The following CNTNAP4 variants were observed in gnomAD, a reference collection of about 807,000 sequenced individuals.
The protein encoded by CNTNAP4 is contactin associated protein family member 4.
A neutral mutation model predicts 148.4 loss-of-function variants in CNTNAP4; 98 were observed. The ratio of observed to expected loss-of-function variants is 0.66; its 90% CI spans 0.56 to 0.78. CNTNAP4 has a LOEUF of 0.78. CNTNAP4 is among the 30% of genes least tolerant of loss of function. CNTNAP4 has a pLI of 0.00. For missense variants in CNTNAP4, 1,935 were observed against 1,565.6 expected (o/e 1.24, Z -3.98); for synonymous variants, 730 against 565.1 (o/e 1.29, Z -4.14).
At chr16:76,312,005 T>A (rs1003878297) in intron 1 of CNTNAP4, among the ~76,000 whole-genome samples, 1 of 152,228 alleles carries the variant, frequency 6.6e-6, no homozygotes, top group Admixed American at 6.5e-5. Flanking sequence ...CAGTGAATAA[T>A]CTTTATTTGC....
At chr16:76,488,305 T>G (rs374841263) in intron 12 of CNTNAP4, among the ~76,000 whole-genome samples, 5 of 152,202 alleles carry the variant, frequency 3.3e-5, no homozygotes, top group Admixed American at 2.0e-4. Context: ...CGTAATTTCA[T>G]TGGCTGGTAG....
intron 2 of CNTNAP4, among the ~76,000 whole-genome samples, chr16:76,347,645 G>C (rs1347622390): frequency 6.6e-6 from 1 of 152,120 alleles, no homozygotes; most frequent in South Asian, 2.1e-4. Flanking sequence ...TCGAGCAAGA[G>C]ACTTATAGGC....
intron 17 of CNTNAP4, among the ~76,000 whole-genome samples, chr16:76,530,346 GCACTTCTCC>G (rs2144195698): frequency 6.6e-6 from 1 of 152,046 alleles, no homozygotes; most frequent in South Asian, 2.1e-4. Context: ...TCTTAATTAC[GCACTTCTCC>G]CATCCTTGAG....
At chr16:76,496,503 A>T (rs1407944749) in intron 14 of CNTNAP4, among the ~76,000 whole-genome samples, 1 of 152,184 alleles carries the variant, frequency 6.6e-6, no homozygotes, top group East Asian at 1.9e-4. Flanking sequence ...TTAGAAAAAC[A>T]ACTACTTGAA....
chr16:76,507,518 C>CTGGA lies in CNTNAP4; in HGVS notation c.2365+8825_2365+8826insGGAT, dbSNP rs370221741. Among the ~76,000 whole-genome samples, 7 of 96,976 alleles carry CTGGA rather than the reference C, an allele frequency of 7.2e-5. 2 individuals carry two copies. The highest frequency in any genetic ancestry group is 1.8e-4 in the African/African-American group (7 of 38,904). 63.6% of individuals were successfully genotyped at this position (96,976 alleles called of 152,430 possible). On this transcript the variant is annotated intron_variant, in intron 15 of 23. Coordinates refer to ENST00000611870, the MANE Select transcript of CNTNAP4 (RefSeq NM_033401.5). ...GGCTTATTTCACTTTACATAATGAC[C>CTGGA]TCCAGTTCCATCCATATTGTTGCAA...
intron 4 of CNTNAP4, among the ~76,000 whole-genome samples, chr16:76,431,787 T>TC (rs2079616325): frequency 6.8e-6 from 1 of 146,704 alleles, no homozygotes; most frequent in Non-Finnish European, 1.5e-5. Flanking sequence ...TTGCTTTTTT[T>TC]CTTTCCTCCG....
At chr16:76,377,556 A>G (rs1053939167) in intron 3 of CNTNAP4, among the ~76,000 whole-genome samples, 1 of 152,170 alleles carries the variant, frequency 6.6e-6, no homozygotes, top group Non-Finnish European at 1.5e-5. Flanking sequence ...AGTCTGTGAA[A>G]GTCATTTAGG....
chr16:76,512,213 C>G (rs988879455), intron 15 of CNTNAP4, among the ~76,000 whole-genome samples: 5 of 152,058 alleles, frequency 3.3e-5, no homozygotes, highest in Admixed American at 2.6e-4. Flanking sequence ...TTTTGAAAAT[C>G]CATTTTCAAT....
intron 2 of CNTNAP4, among the ~76,000 whole-genome samples, chr16:76,322,848 T>TC (rs1962568501): frequency 6.6e-6 from 1 of 151,962 alleles, no homozygotes; most frequent in Admixed American, 6.6e-5. Context: ...TTTTTTGTTT[T>TC]TTTTTTGAGA....
chr16:76,339,414 ATTAAT>A (rs1964284823), intron 2 of CNTNAP4, among the ~76,000 whole-genome samples: 2 of 152,154 alleles, frequency 1.3e-5, no homozygotes, highest in South Asian at 2.1e-4. Flanking sequence ...TAAACACCAC[ATTAAT>A]TTAAATTTTA....
chr16:76,509,153 A>G (rs989555025), intron 15 of CNTNAP4, among the ~76,000 whole-genome samples: 1 of 97,818 alleles, frequency 1.0e-5, no homozygotes, highest in African/African-American at 2.6e-5. Context: ...TCAATTGAAT[A>G]TCATTCCAAA....
intron 2 of CNTNAP4, among the ~76,000 whole-genome samples, chr16:76,344,789 C>T (rs867951669): frequency 2.4e-4 from 37 of 152,184 alleles, no homozygotes; most frequent in Non-Finnish European, 4.9e-4. Context: ...TCACCTCTTT[C>T]GGTTGTGTCA....
intron 3 of CNTNAP4, among the ~76,000 whole-genome samples, chr16:76,398,799 C>A (rs2078300718): frequency 6.6e-6 from 1 of 151,960 alleles, no homozygotes; most frequent in South Asian, 2.1e-4. Context: ...ATATTGGGTG[C>A]ATATATATTT....
chr16:76,309,798 G>T, intron 1 of CNTNAP4: 1 of 698,626 alleles, frequency 1.4e-6, no homozygotes, highest in Non-Finnish European at 2.6e-6. Context: ...GTGATAGTGA[G>T]TAAGTGTCAT....
intron 11 of CNTNAP4, among the ~76,000 whole-genome samples, chr16:76,477,338 A>G (rs2081624189): frequency 6.6e-6 from 1 of 152,044 alleles, no homozygotes; most frequent in Admixed American, 6.6e-5. Flanking sequence ...TTTTCCGATT[A>G]TTACTGACAT....
In CNTNAP4 at chr16:76,553,323, G is replaced by A. The variant is rs144247939; in HGVS notation, c.3483G>A (p.Ala1161=). 416 of 1,612,684 alleles carry A rather than the reference G, an allele frequency of 2.6e-4. No homozygotes were observed. The highest frequency in any genetic ancestry group is 6.3e-4 in the African/African-American group (47 of 75,034). ...ACCAGGATACTGCACTGGCAGGTGC[G>A]CAGGGCTTCACAGGCTGCCTCTCTG... ...DVDQDTALAG[A]QGFTGCLSAV... The change falls in exon 22 of 24, where the codon GCG becomes GCA. Residue 1161 remains alanine, a synonymous_variant. Transcript: ENST00000611870.
At chr16:76,527,639 A>G (rs2083799030) in intron 17 of CNTNAP4, among the ~76,000 whole-genome samples, 1 of 152,216 alleles carries the variant, frequency 6.6e-6, no homozygotes, top group African/African-American at 2.4e-5. Flanking sequence ...GATGGTAATA[A>G]TAATAATGTT....
chr16:76,418,731 T>G (rs199884486), intron 3 of CNTNAP4, among the ~76,000 whole-genome samples: 6 of 7,774 alleles, frequency 7.7e-4, no homozygotes, highest in African/African-American at 1.3e-3. Context: ...AGTGTGGGGT[T>G]TTTTTTTTTC....
At chr16:76,425,545 T>C (rs1046473285) in intron 3 of CNTNAP4, among the ~76,000 whole-genome samples, 4 of 152,004 alleles carry the variant, frequency 2.6e-5, no homozygotes, top group African/African-American at 7.2e-5. Flanking sequence ...GAGAAATCCC[T>C]CTTAAAATAA....
Sources: gnomAD v4.1 joint callset for allele counts (sites outside exome capture counted in the v4.1 genomes callset) on GRCh38, gnomAD v4.1.1 for gene constraint, MANE v1.5 for transcripts, NCBI Gene and HGNC (gene_info 2026-07-23, HGNC 2026-07-21) for gene names.